The following ABCB4 variants were observed in gnomAD, a reference collection of about 807,000 sequenced individuals.
ABCB4 encodes ATP binding cassette subfamily B member 4.
A neutral mutation model predicts 145.7 loss-of-function variants in ABCB4; 76 were observed. The observed-to-expected ratio is 0.52, with a 90% confidence interval of 0.43 to 0.63. ABCB4 has a LOEUF of 0.63. Ranked by LOEUF, ABCB4 falls within the 30% of genes least tolerant of loss-of-function variation. ABCB4 has a pLI of 0.00. For missense variants in ABCB4, 1,234 were observed against 1,553.1 expected (o/e 0.79, Z 3.45); for synonymous variants, 517 against 566.8 (o/e 0.91, Z 1.25).
At chr7:87,468,856 G>A (rs549423141) in intron 3 of ABCB4, among the ~76,000 whole-genome samples, 60 of 151,990 alleles carry the variant, frequency 3.9e-4, no homozygotes, top group South Asian at 3.1e-3. Flanking sequence ...GCGTGAACCC[G>A]GGAGGCGCAG....
chr7:87,382,036 C>T, the ABCB4 span: 1 of 1,570,236 alleles, frequency 6.4e-7, no homozygotes, highest in South Asian at 1.1e-5. Flanking sequence ...CCTAATAGTT[C>T]TATAGATAAA....
chr7:87,466,070 A>G (rs1812873158), intron 3 of ABCB4, among the ~76,000 whole-genome samples: 1 of 152,234 alleles, frequency 6.6e-6, no homozygotes, highest in Non-Finnish European at 1.5e-5. Context: ...ATGAGTTGAG[A>G]GAAGAAGGCT....
At chr7:87,404,947 A>G (rs1342664135) in intron 26 of ABCB4, among the ~76,000 whole-genome samples, 2 of 152,232 alleles carry the variant, frequency 1.3e-5, no homozygotes, top group Non-Finnish European at 2.9e-5. Flanking sequence ...GCCACTCTGG[A>G]AAACAGTTTA....
At chr7:87,404,179 T>G (rs1425300628) in intron 26 of ABCB4, among the ~76,000 whole-genome samples, 2 of 152,166 alleles carry the variant, frequency 1.3e-5, no homozygotes, top group Non-Finnish European at 2.9e-5. Flanking sequence ...GTTTTAAAAT[T>G]TTATTTGTGG....
At chr7:87,463,246 AACACACACACACACAC>A (rs56747933) in intron 3 of ABCB4, among the ~76,000 whole-genome samples, 3 of 148,064 alleles carry the variant, frequency 2.0e-5, no homozygotes, top group South Asian at 2.1e-4. Context: ...ATTAAGTTTA[AACACACACACACACAC>A]ACACACACAC....
At position 87,419,803 on chromosome 7, in the gene ABCB4, C is replaced by CA. The variant is rs375378290; in HGVS notation, c.2394+194dup. Reference sequence around the variant, plus strand: ...CTATTTCTATGAAAAAAAACAAAAACAAAAAAAAAACAAAAAAAACATGAG... The same window carrying CA: ...CTATTTCTATGAAAAAAAACAAAAACAAAAAAAAAAACAAAAAAAACATGAG... On this transcript the variant is annotated intron_variant, in intron 19 of 27. Coordinates refer to ENST00000649586, the MANE Select transcript of ABCB4 (RefSeq NM_000443.4). 0.09 allele frequency among the ~76,000 whole-genome samples: 12,089 copies of CA among 134,858 alleles called. 963 individuals carry two copies. Among genetic ancestry groups the CA allele is most frequent in the African/African-American group, 0.22 (7,997 of 36,820 alleles). The allele number at this position is 134,858 out of a possible 152,430, so 88.5% of individuals were successfully genotyped here.
Position 87,402,108 on chromosome 7 carries a change from T to C in ABCB4, c.3828A>G (p.Thr1276=), listed in dbSNP as rs1807823242. ...YFSMVSVQAG[T]QNL ...CTGTAGCAAAAGTTCATAAGTTCTGTGTCCCAGCCTGGACACTGACCATTG... is the reference window on the plus strand; with the variant it reads ...CTGTAGCAAAAGTTCATAAGTTCTGCGTCCCAGCCTGGACACTGACCATTG... The change falls in exon 28 of 28, where the codon ACA becomes ACG. Residue 1276 remains threonine, a synonymous_variant. Transcript: ENST00000649586. 1.9e-6 allele frequency: 3 copies of C among 1,614,130 alleles called. No individual in the cohort carries two copies. The East Asian group carries it at 6.7e-5, about 36-fold the overall frequency.
At chr7:87,369,932 T>C in the ABCB4 span, among the ~76,000 whole-genome samples, 6 of 144,112 alleles carry the variant, frequency 4.2e-5, no homozygotes, top group East Asian at 1.2e-3. Context: ...TAGGGGATTA[T>C]ATAATGATAA....
chr7:87,469,436 C>T (rs1198869596), intron 3 of ABCB4, among the ~76,000 whole-genome samples: 1 of 152,214 alleles, frequency 6.6e-6, no homozygotes, highest in Non-Finnish European at 1.5e-5. Context: ...AAAACTGTCC[C>T]TGTTTGCAGA....
chr7:87,416,288 C>T (rs916688441), intron 21 of ABCB4, among the ~76,000 whole-genome samples: 2 of 152,210 alleles, frequency 1.3e-5, no homozygotes, highest in Non-Finnish European at 2.9e-5. Context: ...TTAATCTTCC[C>T]TCTTAATATG....
intron 4 of ABCB4, among the ~76,000 whole-genome samples, chr7:87,458,196 T>A (rs1243379137): frequency 6.6e-6 from 1 of 152,206 alleles, no homozygotes; most frequent in Admixed American, 6.5e-5. Flanking sequence ...ACTATTATAG[T>A]CACAGAGACA....
Position 87,453,110 on chromosome 7 carries a change from C to A in ABCB4, c.370G>T (p.Gly124Cys), listed in dbSNP as rs1562989807. Residue 124 changes from glycine to cysteine, a missense_variant, in exon 6 of 28, where the codon GGT becomes TGT. Around this residue, in one of 7 missense-constraint regions of ABCB4, gnomAD observed 467 missense variants for 632.8 expected, o/e 0.74. Coordinates refer to ENST00000649586, the MANE Select transcript of ABCB4 (RefSeq NM_000443.4). Reference protein sequence around the residue: ...TRYAYYYSGLGAGVLVAAYIQ... With the variant: ...TRYAYYYSGLCAGVLVAAYIQ... ...TAGGCAGCAACAAGAACTCCAGCAC[C>A]CAATCCTGAGTAGTAATATGCATAT... 6.2e-7 allele frequency: 1 copy of A among 1,613,976 alleles called. No individual in the cohort carries two copies. Among genetic ancestry groups the A allele is most frequent in the South Asian group, 1.1e-5 (1 of 91,050 alleles).
At chr7:87,377,023 A>C in the ABCB4 span, among the ~76,000 whole-genome samples, 1 of 152,104 alleles carries the variant, frequency 6.6e-6, no homozygotes, top group Non-Finnish European at 1.5e-5. Context: ...ACTTTTATCA[A>C]GATCTTTTAT....
rs139042803 is a variant in ABCB4, at chr7:87,406,478, T to C, written c.3296A>G (p.Glu1099Gly). 577 of 1,613,664 alleles carry C rather than the reference T, an allele frequency of 3.6e-4. 2 individuals are homozygous for C. The highest frequency in any genetic ancestry group is 4.2e-4 in the Non-Finnish European group (497 of 1,179,952). Reference sequence around the variant, plus strand: ...CCACTGGACATTGAGTTTCTTTGCTTCTTGACCATCGAGAAGCTGAAAACC... The same window carrying C: ...CCACTGGACATTGAGTTTCTTTGCTCCTTGACCATCGAGAAGCTGAAAACC... ...LAGTVLLDGQ[E>G]AKKLNVQWLR... Residue 1099 changes from glutamate to glycine, a missense_variant, in exon 26 of 28, where the codon GAA (glutamate) becomes GGA (glycine). This residue lies in a region of ABCB4 where 301 missense variants were observed against 389.0 expected (regional missense o/e 0.77). Transcript: ENST00000649586.
intron 15 of ABCB4, among the ~76,000 whole-genome samples, 185 bp downstream of exon 15, chr7:87,431,219 T>G (rs1213167918): frequency 1.3e-5 from 2 of 152,352 alleles, no homozygotes; most frequent in African/African-American, 4.8e-5. Flanking sequence ...TTTTTGGCAC[T>G]TTCCCCTATT....
intron 8 of ABCB4, among the ~76,000 whole-genome samples, chr7:87,449,443 T>A (rs1222020408): frequency 6.6e-6 from 1 of 152,104 alleles, no homozygotes; most frequent in East Asian, 1.9e-4. Context: ...TTTTGGTTTT[T>A]AAAAAATTTT....
At chr7:87,368,069 C>T in the ABCB4 span, among the ~76,000 whole-genome samples, 3 of 152,194 alleles carry the variant, frequency 2.0e-5, no homozygotes, top group Non-Finnish European at 2.9e-5. Context: ...CCTTATCTAC[C>T]ACTCTATCCT....
At chr7:87,395,369 A>G in the ABCB4 span, among the ~76,000 whole-genome samples, 107,488 of 152,058 alleles carry the variant, frequency 0.71, 39,902 homozygotes, top group Middle Eastern at 0.83. Flanking sequence ...CACTGACTCA[A>G]ATGTTAATCT....
chr7:87,451,641 A>C lies in ABCB4; in HGVS notation c.690T>G (p.Ser230=), dbSNP rs1245282169. ...IMAISPILGL[S]AAVWAKILSA... ...CACATACCTTTGCCCAAACGGCTGC[A>C]GAGAGTCCTAGAATAGGGCTGATGG... The change falls in exon 7 of 28, where the codon TCT becomes TCG. Residue 230 remains serine, a synonymous_variant. Coordinates refer to ENST00000649586, the MANE Select transcript of ABCB4 (RefSeq NM_000443.4). 6.2e-7 allele frequency: 1 copy of C among 1,614,062 alleles called. No individual in the cohort carries two copies. The highest frequency in any genetic ancestry group is 1.7e-5 in the Admixed American group (1 of 59,990).
Sources: gnomAD v4.1 joint callset for allele counts (sites outside exome capture counted in the v4.1 genomes callset) on GRCh38, gnomAD v4.1.1 for gene constraint, gnomAD v4.1.1 regional missense constraint, MANE v1.5 for transcripts, NCBI Gene and HGNC (gene_info 2026-07-23, HGNC 2026-07-21) for gene names.